The following CASP6 variants were observed in gnomAD, a reference collection of about 807,000 sequenced individuals.
The protein encoded by CASP6 is caspase-6.
A neutral mutation model predicts 31.8 loss-of-function variants in CASP6; 20 were observed. The ratio of observed to expected loss-of-function variants is 0.63; its 90% CI spans 0.44 to 0.91. The LOEUF (loss-of-function observed/expected upper bound fraction) is 0.91. CASP6 is among the 40% of genes least tolerant of loss of function. The pLI is 0.00. For missense variants in CASP6, 328 were observed against 361.1 expected, an observed-to-expected ratio of 0.91 and a Z score of 0.74; for synonymous variants, 130 against 127.8, an observed-to-expected ratio of 1.02 and a Z score of -0.12.
the CASP6 span, among the ~76,000 whole-genome samples, chr4:109,708,830 AC>A: frequency 6.6e-6 from 1 of 152,222 alleles, no homozygotes. Context: ...TAAATACAGA[AC>A]ATTTTCTTGG....
chr4:109,679,375 C>T, the CASP6 span, among the ~76,000 whole-genome samples: 2 of 152,186 alleles, frequency 1.3e-5, no homozygotes, highest in Non-Finnish European at 2.9e-5. Flanking sequence ...ACTGAGTGAG[C>T]GAGACTCCGT....
Position 109,690,885 on chromosome 4 carries a change from C to G in CASP6, c.608G>C (p.Gly203Ala), listed in dbSNP as rs750151032. ...AGAGTAACACATGAGGAAGTCAGCT[C>G]CAGCAGGCAGCGTGTAAACGGAGGC... Reference protein sequence around the residue: ...DAASVYTLPAGADFLMCYSVA... With the variant: ...DAASVYTLPAAADFLMCYSVA... The change falls in exon 6 of 7, where the codon GGA (glycine) becomes GCA (alanine). Residue 203 changes from glycine (G) to alanine (A), a missense_variant. Physicochemically the swap from Gly to Ala is moderately conservative, Grantham distance 60. Coordinates refer to ENST00000265164, the MANE Select transcript of CASP6 (RefSeq NM_001226.4). 2 of 1,612,862 alleles carry G rather than the reference C, an allele frequency of 1.2e-6. No homozygotes were observed. Among genetic ancestry groups the G allele is most frequent in the Admixed American group, 3.3e-5 (2 of 59,852 alleles).
At chr4:109,695,450 T>A (rs1272533061) in intron 4 of CASP6, among the ~76,000 whole-genome samples, 1 of 152,080 alleles carries the variant, frequency 6.6e-6, no homozygotes, top group Non-Finnish European at 1.5e-5. Context: ...TTGCTGCACT[T>A]TCACTATAGG....
the CASP6 span, among the ~76,000 whole-genome samples, chr4:109,664,894 T>G: frequency 6.6e-6 from 1 of 152,094 alleles, no homozygotes; most frequent in Non-Finnish European, 1.5e-5. Flanking sequence ...GAGGTAGGCC[T>G]GAAAATCAAG....
At chr4:109,707,188 T>C (rs1328369785), upstream of CASP6, among the ~76,000 whole-genome samples, 2 of 152,192 alleles carry the variant, frequency 1.3e-5, no homozygotes, top group Non-Finnish European at 2.9e-5. Context: ...ACCAGAAAAT[T>C]TGTGTGACTC....
chr4:109,685,283 A>G (rs760377369), downstream of CASP6: 26 of 1,564,266 alleles, frequency 1.7e-5, 1 homozygote, highest in Middle Eastern at 1.7e-4. Flanking sequence ...AGAGTAGGCA[A>G]TTTCTTCAGT....
intron 1 of CASP6, among the ~76,000 whole-genome samples, chr4:109,703,045 C>G (rs1213888177): frequency 1.3e-5 from 2 of 152,150 alleles, no homozygotes; most frequent in Admixed American, 1.3e-4. Flanking sequence ...ACAGCCGGGG[C>G]GCCCCGAAAG....
rs369838878 is a variant in CASP6 at position 109,689,600 on chromosome 4, G to A, written c.644-32C>T. On this transcript the variant is annotated intron_variant, in intron 6 of 6. Transcript: ENST00000265164. ...AAGTGAGAAGGAAAATGTTGCTGCAGTTTTCTGGCTTTCAATTACTGTGTG... is the reference window on the plus strand; with the variant it reads ...AAGTGAGAAGGAAAATGTTGCTGCAATTTTCTGGCTTTCAATTACTGTGTG... 1.1e-4 allele frequency: 172 copies of A among 1,589,424 alleles called. 1 individual carries two copies. The East Asian group carries it at 3.6e-3, about 33-fold the overall frequency.
rs1252411512 is a variant in CASP6 at position 109,691,886 on chromosome 4, A to C, written c.484-877T>G. ...CAAGATGGCCACCTACAAGCCAAAA[A>C]GGGAGGCCTCAGAAGAAACCAATCC... is the stretch of plus-strand genomic sequence containing the variant. On this transcript the variant is annotated intron_variant, in intron 5 of 6. Coordinates refer to ENST00000265164, the MANE Select transcript of CASP6 (RefSeq NM_001226.4). 3 of 152,376 alleles carry C rather than the reference A, an allele frequency of 2.0e-5. No individual in the cohort carries two copies. The East Asian group carries it at 5.8e-4, about 29-fold the overall frequency. 9.4% of individuals were successfully genotyped at this position (152,376 alleles called of 1,614,324 possible).
upstream of CASP6, among the ~76,000 whole-genome samples, chr4:109,706,597 A>C (rs1324157585): frequency 6.6e-6 from 1 of 152,186 alleles, no homozygotes; most frequent in African/African-American, 2.4e-5. Flanking sequence ...ATGCTACCAA[A>C]CAGCATCACA....
downstream of CASP6, among the ~76,000 whole-genome samples, chr4:109,686,457 T>A (rs1427937228): frequency 6.6e-6 from 1 of 152,230 alleles, no homozygotes; most frequent in African/African-American, 2.4e-5. Context: ...TTAAAAAATG[T>A]ATTTTATTTC....
chr4:109,704,894 G>C (rs1330946739), upstream of CASP6, among the ~76,000 whole-genome samples: 1 of 152,174 alleles, frequency 6.6e-6, no homozygotes, highest in African/African-American at 2.4e-5. Context: ...AGTAGAGACA[G>C]AGTTTCACCA....
At chr4:109,694,997 A>G (rs1730192835) in intron 4 of CASP6, among the ~76,000 whole-genome samples, 1 of 151,962 alleles carries the variant, frequency 6.6e-6, no homozygotes, top group African/African-American at 2.4e-5. Flanking sequence ...TATCCAGCTA[A>G]TTTTTGTATT....
the CASP6 span, chr4:109,682,753 A>G: frequency 6.2e-7 from 1 of 1,600,950 alleles, no homozygotes; most frequent in South Asian, 1.1e-5. Flanking sequence ...GTTAGGAAGC[A>G]TCACGGTTGA....
At chr4:109,693,107 G>T (rs1730126680) in intron 5 of CASP6, among the ~76,000 whole-genome samples, 1 of 152,056 alleles carries the variant, frequency 6.6e-6, no homozygotes, top group African/African-American at 2.4e-5. Context: ...CCTCTCCCTT[G>T]GCACTCTCTT....
At chr4:109,704,874 T>C (rs971362831), upstream of CASP6, among the ~76,000 whole-genome samples, 3 of 152,160 alleles carry the variant, frequency 2.0e-5, no homozygotes, top group African/African-American at 7.2e-5. Flanking sequence ...CAGGTTAATT[T>C]TGTATTTTTA....
chr4:109,678,058 G>A, the CASP6 span, among the ~76,000 whole-genome samples: 637 of 152,010 alleles, frequency 4.2e-3, 7 homozygotes, highest in African/African-American at 0.015. Context: ...GTTTAACAAA[G>A]CACATCTTGC....
chr4:109,687,510 GACAGGCTAAAGAATC>G, downstream of CASP6: 6 of 1,602,702 alleles, frequency 3.7e-6, no homozygotes, highest in Non-Finnish European at 5.1e-6. Context: ...TTTTTCCCAT[GACAGGCTAAAGAATC>G]CCTGAAACAG....
chr4:109,676,433 G>C, the CASP6 span, among the ~76,000 whole-genome samples: 1 of 152,232 alleles, frequency 6.6e-6, no homozygotes, highest in Admixed American at 6.5e-5. Context: ...TTTGAAATGA[G>C]GAATATCTTA....
Sources: gnomAD v4.1 joint callset for allele counts (sites outside exome capture counted in the v4.1 genomes callset) on GRCh38, gnomAD v4.1.1 for gene constraint, MANE v1.5 for transcripts, NCBI Gene and HGNC (gene_info 2026-07-23, HGNC 2026-07-21) for gene names.